The following LPP variants were observed in gnomAD, a reference collection of about 807,000 sequenced individuals.
LPP encodes LIM domain containing preferred translocation partner in lipoma, also known as lipoma-preferred partner.
In LPP, 38 loss-of-function variants were observed where a neutral mutation model predicts 60.4. That is an observed-to-expected ratio of 0.63 (90% CI 0.49 to 0.83). The LOEUF is 0.83. Ranked by LOEUF, LPP falls within the 40% of genes least tolerant of loss-of-function variation. The pLI is 0.00. For missense variants in LPP, 902 were observed against 783.6 expected, an observed-to-expected ratio of 1.15 and a Z score of -1.80; for synonymous variants, 328 against 290.8, an observed-to-expected ratio of 1.13 and a Z score of -1.30.
rs921510227 is a variant in LPP, at chr3:188,572,981, C to T, written c.430-36180C>T. The stretch of plus-strand genomic sequence containing the variant: ...ATATAGCTCCTTAGCCAAAACTATT[C>T]ACATGGCCCTACCTAGCCATAGGGT... On this transcript the variant is annotated intron_variant, in intron 6 of 11. Transcript: ENST00000617246. This position sits in a 1 kb window ranked among gnomAD's most constrained non-coding sequence, Gnocchi z 4.1. 6.6e-6 allele frequency among the ~76,000 whole-genome samples: 1 copy of T among 152,104 alleles called. No homozygotes were observed. Among genetic ancestry groups the T allele is most frequent in the African/African-American group, 2.4e-5 (1 of 41,426 alleles).
intron 5 of LPP, among the ~76,000 whole-genome samples, chr3:188,511,336 C>T (rs1305866183): frequency 2.8e-5 from 4 of 142,506 alleles, no homozygotes; most frequent in Non-Finnish European, 6.1e-5. Context: ...CTCCCTCCCT[C>T]CCTTGTCCCT....
intron 2 of LPP, among the ~76,000 whole-genome samples, chr3:188,243,187 T>C (rs1725598972): frequency 6.6e-6 from 1 of 152,190 alleles, no homozygotes; most frequent in South Asian, 2.1e-4. Context: ...CAAAAACTCC[T>C]ATTTTTACAA....
At chr3:188,858,732 A>C (rs999045244) in intron 9 of LPP, among the ~76,000 whole-genome samples, 3 of 152,196 alleles carry the variant, frequency 2.0e-5, no homozygotes, top group African/African-American at 4.8e-5. Context: ...AAATTTTATA[A>C]GAAAATTGTT....
intron 9 of LPP, among the ~76,000 whole-genome samples, chr3:188,857,285 G>A (rs1435829161): frequency 6.6e-6 from 1 of 152,184 alleles, no homozygotes; most frequent in African/African-American, 2.4e-5. Context: ...ATTATTAACT[G>A]CATTCTGAAT....
chr3:188,214,191 C>T (rs563694404), intron 1 of LPP, among the ~76,000 whole-genome samples: 3 of 151,976 alleles, frequency 2.0e-5, no homozygotes, highest in East Asian at 1.9e-4. Flanking sequence ...AGTGCAATGG[C>T]GCGATCTCGG....
chr3:188,339,411 A>G (rs1490885447), intron 2 of LPP, among the ~76,000 whole-genome samples: 10 of 152,200 alleles, frequency 6.6e-5, no homozygotes, highest in Admixed American at 2.0e-4. Flanking sequence ...AAGGATTTGT[A>G]TTAGTCCATT....
chr3:188,338,698 A>G (rs564904033), intron 2 of LPP, among the ~76,000 whole-genome samples: 1 of 152,198 alleles, frequency 6.6e-6, no homozygotes, highest in Non-Finnish European at 1.5e-5. Context: ...AAGAGGTACC[A>G]GTTTATTGAC....
intron 5 of LPP, among the ~76,000 whole-genome samples, chr3:188,497,647 G>C (rs538647630): frequency 6.6e-6 from 1 of 152,194 alleles, no homozygotes; most frequent in Non-Finnish European, 1.5e-5. Flanking sequence ...GCCAGCTAGA[G>C]TTAGGTATTT....
chr3:188,550,104 T>A (rs1827693561), intron 6 of LPP, among the ~76,000 whole-genome samples: 1 of 152,220 alleles, frequency 6.6e-6, no homozygotes, highest in Non-Finnish European at 1.5e-5. Context: ...TTTGTATTAA[T>A]GCGACCAAAA....
intron 1 of LPP, among the ~76,000 whole-genome samples, chr3:188,172,072 T>A (rs969823145): frequency 6.6e-6 from 1 of 152,222 alleles, no homozygotes; most frequent in Non-Finnish European, 1.5e-5. Flanking sequence ...CGGCGAGGTT[T>A]GGTTCTTCTC....
chr3:188,561,360 G>C (rs1163289262), intron 6 of LPP, among the ~76,000 whole-genome samples: 4 of 151,994 alleles, frequency 2.6e-5, no homozygotes, highest in African/African-American at 9.7e-5. Flanking sequence ...TCAATAGGTA[G>C]TTACTGTAGA....
At chr3:188,712,086 C>G (rs1178249477) in intron 8 of LPP, 1 of 152,122 alleles carries the variant, frequency 6.6e-6, no homozygotes, top group Non-Finnish European at 1.5e-5. Context: ...CTGTCAATGT[C>G]CGGCTAAAGG....
At chr3:188,494,313 C>A (rs1427513200) in intron 5 of LPP, among the ~76,000 whole-genome samples, 2 of 152,062 alleles carry the variant, frequency 1.3e-5, no homozygotes, top group Non-Finnish European at 2.9e-5. Flanking sequence ...CTGTGGCCAG[C>A]GCTTATGTAT....
intron 9 of LPP, among the ~76,000 whole-genome samples, chr3:188,833,466 A>G (rs774008312): frequency 1.4e-4 from 21 of 152,206 alleles, no homozygotes; most frequent in Non-Finnish European, 2.9e-4. Context: ...GTTGGATCCT[A>G]GAGGCGGTGT....
At chr3:188,812,049 G>T (rs1258906648) in intron 9 of LPP, among the ~76,000 whole-genome samples, 1 of 152,028 alleles carries the variant, frequency 6.6e-6, no homozygotes, top group Non-Finnish European at 1.5e-5. Context: ...GTAGTAAGAG[G>T]ATCTTTGTGG....
intron 9 of LPP, among the ~76,000 whole-genome samples, chr3:188,771,665 G>A (rs1001253626): frequency 1.3e-5 from 2 of 152,090 alleles, no homozygotes; most frequent in Admixed American, 6.5e-5. Flanking sequence ...ATGAGGATTC[G>A]GAGAGGACAG....
At chr3:188,641,791 C>T (rs1199793924) in intron 7 of LPP, among the ~76,000 whole-genome samples, 1 of 152,166 alleles carries the variant, frequency 6.6e-6, no homozygotes, top group Non-Finnish European at 1.5e-5. Flanking sequence ...AGTATAGACA[C>T]AACACTTCTG....
chr3:188,531,196 C>T (rs1031162341), intron 6 of LPP, among the ~76,000 whole-genome samples: 27 of 151,990 alleles, frequency 1.8e-4, no homozygotes, highest in African/African-American at 6.0e-4. Flanking sequence ...CTTTCACTAT[C>T]CTCATTTAGA....
At chr3:188,636,396 G>A (rs895661150) in intron 7 of LPP, among the ~76,000 whole-genome samples, 8 of 152,182 alleles carry the variant, frequency 5.3e-5, no homozygotes, top group East Asian at 1.9e-4. Flanking sequence ...CACCTTGCTC[G>A]GAGGGTCCTA....
Sources: allele counts gnomAD v4.1 joint callset (sites outside exome capture counted in the v4.1 genomes callset), GRCh38; gene constraint gnomAD v4.1.1; non-coding constraint Gnocchi (gnomAD v3.1); transcripts MANE v1.5; gene names NCBI Gene and HGNC (gene_info 2026-07-23, HGNC 2026-07-21).